Variants in CMTM6 observed in about 807,000 individuals in gnomAD.
The protein encoded by CMTM6 is CKLF-like MARVEL transmembrane domain-containing protein 6.
CMTM6 carries 5 observed loss-of-function variants against 13.6 expected under a neutral mutation model. The ratio of observed to expected loss-of-function variants is 0.37; its 90% CI spans 0.19 to 0.77. The LOEUF (loss-of-function observed/expected upper bound fraction) is 0.77. CMTM6 is among the 30% of genes least tolerant of loss of function. The pLI is 0.50. For missense variants in CMTM6, 196 were observed against 218.6 expected, an observed-to-expected ratio of 0.90 and a Z score of 0.65; for synonymous variants, 99 against 84.5, an observed-to-expected ratio of 1.17 and a Z score of -0.94.
At position 32,489,550 on chromosome 3, in the gene CMTM6, C is replaced by G. The variant is rs181181382; in HGVS notation, c.316-1514G>C. Among the ~76,000 whole-genome samples the G allele has an allele frequency of 4.7e-3, 713 of 151,512 alleles. 5 individuals are homozygous for G. The highest frequency in any genetic ancestry group is 0.017 in the African/African-American group (685 of 41,246). The stretch of plus-strand genomic sequence containing the variant: ...CCTGTAATCCCAGCTACTTGGGAGG[C>G]TGAGGCAGGAGAATCACTTAAACCC... On this transcript the variant is annotated intron_variant, in intron 2 of 3. Coordinates refer to ENST00000205636, the MANE Select transcript of CMTM6 (RefSeq NM_017801.3).
chr3:32,492,024 T>C, intron 1 of CMTM6, 138 bp from the exon 2 acceptor site: 1 of 712,490 alleles, frequency 1.4e-6, no homozygotes, highest in Non-Finnish European at 2.3e-6. Context: ...TGAATAAACC[T>C]TATCTACACA....
chr3:32,496,832 A>T (rs1697296182), intron 1 of CMTM6, among the ~76,000 whole-genome samples: 1 of 152,176 alleles, frequency 6.6e-6, no homozygotes, highest in Admixed American at 6.5e-5. Context: ...CAAAAATGAT[A>T]ATAAGGCAAC....
rs1273107519 is a variant in CMTM6 at position 32,482,215 on chromosome 3, A to G, written c.*1745T>C. On this transcript the variant is annotated 3_prime_UTR_variant, in exon 4 of 4. Transcript: ENST00000205636. ...ATTAAGTAGTGGTGACACCACCACT[A>G]ACACTAGTATCCAAACTCTGATACA... 1.3e-5 allele frequency: 2 copies of G among 152,228 alleles called. No homozygotes were observed. The highest frequency in any genetic ancestry group is 1.9e-4 in the East Asian group (1 of 5,196). 9.4% of individuals were successfully genotyped at this position (152,228 alleles called of 1,614,324 possible).
chr3:32,485,758 CTGT>C (rs1213228233), intron 3 of CMTM6, among the ~76,000 whole-genome samples: 2 of 152,210 alleles, frequency 1.3e-5, no homozygotes, highest in African/African-American at 4.8e-5. Flanking sequence ...TGCTAAGAAA[CTGT>C]TGTCATATGA....
rs1559424959 is a variant in CMTM6, at chr3:32,493,077, CA to C, written c.139-1192del. Among the ~76,000 whole-genome samples the C allele has an allele frequency of 2.6e-5, 4 of 152,192 alleles. 1 individual carries two copies. In the South Asian group the frequency reaches 8.3e-4, roughly 31 times the overall value. Reference sequence around the variant, plus strand: ...TATCTTTCAGTCTTTCCAAAGCATTCAATTTAGTTTTAAAGAAACAATTCAT... The same window carrying C: ...TATCTTTCAGTCTTTCCAAAGCATTCATTTAGTTTTAAAGAAACAATTCAT... On this transcript the variant is annotated intron_variant, in intron 1 of 3. Coordinates refer to ENST00000205636, the MANE Select transcript of CMTM6 (RefSeq NM_017801.3).
At chr3:32,484,417 A>G (rs147667865) in intron 3 of CMTM6, among the ~76,000 whole-genome samples, 30 of 152,376 alleles carry the variant, frequency 2.0e-4, no homozygotes, top group African/African-American at 7.0e-4. Flanking sequence ...CTATAAAATG[A>G]TACAAAACAA....
intron 1 of CMTM6, 27 bp from the exon 2 acceptor site, chr3:32,491,913 TAA>T: frequency 5.8e-6 from 9 of 1,562,530 alleles, no homozygotes; most frequent in South Asian, 1.2e-5. Context: ...ACATTTTACT[TAA>T]GTGTTTTTTC....
In CMTM6 at chr3:32,491,863, G is replaced by A. The variant is rs765784162; in HGVS notation, c.162C>T (p.Ile54=). 3 of 1,609,396 alleles carry A rather than the reference G, an allele frequency of 1.9e-6. No homozygotes were observed. Among genetic ancestry groups the A allele is most frequent in the South Asian group, 1.1e-5 (1 of 90,360 alleles). Residue 54 remains isoleucine (I), a synonymous_variant, in exon 2 of 4, where the codon ATC becomes ATT. Coordinates refer to ENST00000205636, the MANE Select transcript of CMTM6 (RefSeq NM_017801.3). ...LQLLLSLLAF[I]CEEVVSQCTL... The stretch of plus-strand genomic sequence containing the variant: ...TACATTGTGATACAACTTCTTCACA[G>A]ATGAAGGCCAGCAGAGACAGCAACT...
At chr3:32,487,690 T>C in intron 3 of CMTM6, 1 of 314,652 alleles carries the variant, frequency 3.2e-6, no homozygotes, top group Admixed American at 4.6e-5. Context: ...ACCACTTCCA[T>C]TAGCAATAAC....
At chr3:32,499,321 G>T (rs1697325382) in intron 1 of CMTM6, among the ~76,000 whole-genome samples, 1 of 152,078 alleles carries the variant, frequency 6.6e-6, no homozygotes, top group Admixed American at 6.5e-5. Flanking sequence ...TACTTATAGG[G>T]TAACATTATT....
chr3:32,483,923 G>A lies in CMTM6; in HGVS notation c.*37C>T. 1 of 1,532,212 alleles carries A rather than the reference G, an allele frequency of 6.5e-7. No individual in the cohort carries two copies. The highest frequency in any genetic ancestry group is 8.7e-7 in the Non-Finnish European group (1 of 1,144,606). The allele number at this position is 1,532,212 out of a possible 1,614,324, so 94.9% of individuals were successfully genotyped here. The stretch of plus-strand genomic sequence containing the variant: ...CCAGGGCTCAGGCACCACAATGCAG[G>A]GTCACTACCTTAGGTAACATCTGCT... On this transcript the variant is annotated 3_prime_UTR_variant, in exon 4 of 4. Coordinates refer to ENST00000205636, the MANE Select transcript of CMTM6 (RefSeq NM_017801.3).
rs1219354524 is a variant in CMTM6 at position 32,483,974 on chromosome 3, G to A, written c.538C>T (p.Pro180Ser). The A allele has an allele frequency of 2.5e-6, 4 of 1,604,316 alleles. No homozygotes were observed. The highest frequency in any genetic ancestry group is 3.4e-6 in the Non-Finnish European group (4 of 1,176,662). ...CCCCAGAGTCTTTAGGCATTAAGTG[G>A]CTCAGTGAGGGCTTCAGCCCTAGTG... The part of the protein sequence containing the change: ...NTTRAEALTE[P>S]LNA The change falls in exon 4 of 4, where the codon CCA (proline) becomes TCA (serine). Residue 180 changes from proline (P) to serine (S), a missense_variant. Physicochemically the swap from Pro to Ser is moderately conservative, Grantham distance 74. This residue lies in a region of CMTM6 where 111 missense variants were observed against 160.0 expected (regional missense o/e 0.69). Transcript: ENST00000205636.
chr3:32,502,600 G>A lies in CMTM6; in HGVS notation c.138+8C>T, dbSNP rs1205777379. On this transcript the variant is annotated splice_region_variant and intron_variant, in intron 1 of 3. Transcript: ENST00000205636. ...GCCCGGGCTCGCCCTCCCTGACCGCGGACTCACCAGCTGCAAGCCCTTGAG... is the reference window on the plus strand; with the variant it reads ...GCCCGGGCTCGCCCTCCCTGACCGCAGACTCACCAGCTGCAAGCCCTTGAG... 1.9e-6 allele frequency: 3 copies of A among 1,592,820 alleles called. No individual in the cohort carries two copies. Among genetic ancestry groups the A allele is most frequent in the Admixed American group, 1.7e-5 (1 of 57,322 alleles).
chr3:32,492,669 A>G (rs1270319506), intron 1 of CMTM6, among the ~76,000 whole-genome samples: 2 of 152,232 alleles, frequency 1.3e-5, no homozygotes, highest in African/African-American at 2.4e-5. Flanking sequence ...GAAGAGTGGC[A>G]ATCACTGAGA....
At chr3:32,493,512 G>A (rs954228503) in intron 1 of CMTM6, among the ~76,000 whole-genome samples, 5 of 152,174 alleles carry the variant, frequency 3.3e-5, no homozygotes, top group African/African-American at 9.7e-5. Context: ...TGGTGAAGAT[G>A]TAGTTGGAAA....
intron 2 of CMTM6, 33 bp from the exon 3 acceptor site, chr3:32,488,069 A>T (rs1288651493): frequency 7.3e-7 from 1 of 1,365,138 alleles, no homozygotes; most frequent in Non-Finnish European, 1.0e-6. Context: ...AAAGGAATAC[A>T]ATACAGTTAG....
At chr3:32,501,828 A>AG (rs1697348155) in intron 1 of CMTM6, among the ~76,000 whole-genome samples, 1 of 152,250 alleles carries the variant, frequency 6.6e-6, no homozygotes, top group Non-Finnish European at 1.5e-5. Context: ...TGGTTCAACC[A>AG]TCAGTGGTTG....
At chr3:32,495,429 G>A (rs773931256) in intron 1 of CMTM6, among the ~76,000 whole-genome samples, 3 of 152,170 alleles carry the variant, frequency 2.0e-5, no homozygotes, top group Non-Finnish European at 4.4e-5. Flanking sequence ...CATGACTATA[G>A]TCTAATAAAA....
intron 1 of CMTM6, among the ~76,000 whole-genome samples, chr3:32,492,180 G>A (rs2125657600): frequency 6.6e-6 from 1 of 152,260 alleles, no homozygotes; most frequent in East Asian, 1.9e-4. Context: ...GTCAGGAAAG[G>A]CTTCCTGAAG....
Sources: gnomAD v4.1 joint callset for allele counts (sites outside exome capture counted in the v4.1 genomes callset) on GRCh38, gnomAD v4.1.1 for gene constraint, gnomAD v4.1.1 regional missense constraint, MANE v1.5 for transcripts, NCBI Gene and HGNC (gene_info 2026-07-23, HGNC 2026-07-21) for gene names.